The following ADAMTSL1 variants were observed in gnomAD, a reference collection of about 807,000 sequenced individuals.
ADAMTSL1 encodes the protein ADAMTS-like protein 1.
A neutral mutation model predicts 201.8 loss-of-function variants in ADAMTSL1; 126 were observed. The observed-to-expected ratio is 0.62, with a 90% CI of 0.54 to 0.72. The LOEUF (loss-of-function observed/expected upper bound fraction) is 0.72. Ranked by LOEUF, ADAMTSL1 falls within the 30% of genes least tolerant of loss-of-function variation. ADAMTSL1 has a pLI of 0.00. For missense variants in ADAMTSL1, 2,679 were observed against 2,277.8 expected, an observed-to-expected ratio of 1.18 and a Z score of -3.59; for synonymous variants, 1,121 against 903.4, an observed-to-expected ratio of 1.24 and a Z score of -4.32.
At chr9:18,836,305 GT>G (rs1825306309) in intron 23 of ADAMTSL1, among the ~76,000 whole-genome samples, 1 of 152,064 alleles carries the variant, frequency 6.6e-6, no homozygotes, top group African/African-American at 2.4e-5. Context: ...CTCAGTTTAA[GT>G]TCCTTATGTA....
Position 18,483,722 on chromosome 9 carries a change from G to T in ADAMTSL1, c.63+9427G>T, listed in dbSNP as rs557786780. ...GGTGCCTGTAGTCCCAGCTACTCGGGATGCTGAGGCAGGAGAATGGCGTGA... is the reference window on the plus strand; with the variant it reads ...GGTGCCTGTAGTCCCAGCTACTCGGTATGCTGAGGCAGGAGAATGGCGTGA... On this transcript the variant is annotated intron_variant, in intron 1 of 28. Transcript: ENST00000380548. Among the ~76,000 whole-genome samples the T allele has an allele frequency of 3.6e-3, 545 of 152,266 alleles. 3 individuals are homozygous for T. Among genetic ancestry groups the T allele is most frequent in the South Asian group, 0.015 (72 of 4,826 alleles).
intron 2 of ADAMTSL1, among the ~76,000 whole-genome samples, chr9:18,433,754 G>T (rs528841244): frequency 2.9e-4 from 44 of 152,270 alleles, no homozygotes; most frequent in Non-Finnish European, 5.1e-4. Context: ...ACACACTTAA[G>T]AGTAGACTAG....
chr9:18,211,222 T>A (rs1563810514), intron 2 of ADAMTSL1, among the ~76,000 whole-genome samples: 1 of 152,190 alleles, frequency 6.6e-6, no homozygotes, highest in Admixed American at 6.6e-5. Context: ...TGGTTTTAAC[T>A]TTTTAACTCC....
At chr9:18,561,804 T>G (rs1821520487) in intron 3 of ADAMTSL1, among the ~76,000 whole-genome samples, 1 of 152,206 alleles carries the variant, frequency 6.6e-6, no homozygotes, top group Admixed American at 6.5e-5. Context: ...TTTTGATCTT[T>G]GTTGGTTTAA....
chr9:18,007,363 C>T (rs1244235509), intron 1 of ADAMTSL1, among the ~76,000 whole-genome samples: 5 of 151,998 alleles, frequency 3.3e-5, no homozygotes, highest in African/African-American at 1.2e-4. Context: ...TATTTTTGAA[C>T]AGTTCCATGT....
At chr9:18,270,158 G>A (rs1832300198) in intron 2 of ADAMTSL1, among the ~76,000 whole-genome samples, 1 of 151,982 alleles carries the variant, frequency 6.6e-6, no homozygotes, top group Admixed American at 6.6e-5. Context: ...TAGCAGGTTT[G>A]GTGTCTGGTA....
intron 2 of ADAMTSL1, among the ~76,000 whole-genome samples, chr9:18,236,283 G>C (rs948702049): frequency 1.3e-5 from 2 of 152,048 alleles, no homozygotes; most frequent in Non-Finnish European, 2.9e-5. Context: ...AGTTGGCCAG[G>C]CTGGCTGGTC....
intron 2 of ADAMTSL1, among the ~76,000 whole-genome samples, chr9:18,394,081 C>A (rs1563931609): frequency 6.6e-6 from 1 of 152,138 alleles, no homozygotes; most frequent in Admixed American, 6.5e-5. Flanking sequence ...AAAAATGTAT[C>A]TTGGCATAAG....
At chr9:18,871,786 T>G (rs761833853) in intron 23 of ADAMTSL1, among the ~76,000 whole-genome samples, 22 of 152,274 alleles carry the variant, frequency 1.4e-4, no homozygotes, top group Non-Finnish European at 2.5e-4. Flanking sequence ...TTTGCAAATA[T>G]GTCTCTCTTT....
intron 2 of ADAMTSL1, among the ~76,000 whole-genome samples, chr9:18,315,927 C>T (rs1008754363): frequency 1.3e-5 from 2 of 152,208 alleles, no homozygotes; most frequent in African/African-American, 4.8e-5. Flanking sequence ...GGGAACCTGC[C>T]CCGATATTCA....
chr9:17,984,475 G>T (rs746441561), intron 1 of ADAMTSL1, among the ~76,000 whole-genome samples: 3 of 151,908 alleles, frequency 2.0e-5, no homozygotes, highest in Non-Finnish European at 4.4e-5. Context: ...TAACTGTAAG[G>T]ATTGTATTGT....
At chr9:18,537,988 G>GGAA (rs111657328) in intron 3 of ADAMTSL1, among the ~76,000 whole-genome samples, 3,748 of 151,098 alleles carry the variant, frequency 0.025, 131 homozygotes, top group African/African-American at 0.07. Flanking sequence ...AGGAGGAAGA[G>GGAA]GAAGAAGAAG....
intron 7 of ADAMTSL1, chr9:18,651,255 C>G (rs1404016059): frequency 6.6e-6 from 1 of 152,216 alleles, no homozygotes; most frequent in East Asian, 1.9e-4. Flanking sequence ...CCTCCCTTAC[C>G]ATGCCATGTG....
rs1166225876 is a variant in ADAMTSL1, at chr9:18,690,429, C to T, written c.1574+5629C>T. Among the ~76,000 whole-genome samples the T allele has an allele frequency of 5.3e-5, 8 of 152,076 alleles. No homozygotes were observed. In the East Asian group the frequency reaches 1.5e-3, roughly 29 times the overall value. On this transcript the variant is annotated intron_variant, in intron 13 of 28. Transcript: ENST00000380548. Reference sequence around the variant, plus strand: ...GTGAACCAAACATCATTTATGGGTCCATATAGTGTTACTATTTATATTCTA... The same window carrying T: ...GTGAACCAAACATCATTTATGGGTCTATATAGTGTTACTATTTATATTCTA...
rs541392539 is a variant in ADAMTSL1 at position 18,338,223 on chromosome 9, A to G, written c.208-166606A>G. 2.0e-5 allele frequency among the ~76,000 whole-genome samples: 3 copies of G among 151,902 alleles called. No individual in the cohort carries two copies. The East Asian group carries it at 5.8e-4, about 30-fold the overall frequency. On this transcript the variant is annotated intron_variant, in intron 2 of 29. Transcript: ENST00000680146. ...CAAGCCACTGACCCTTAACTTTTCC[A>G]CCGCACTCTCAGCATGGAGAAAAGA...
chr9:18,035,005 T>C (rs558146626), intron 1 of ADAMTSL1, among the ~76,000 whole-genome samples: 1 of 152,348 alleles, frequency 6.6e-6, no homozygotes, highest in South Asian at 2.1e-4. Context: ...CTGTTATGAT[T>C]GTCTCAGGTT....
intron 1 of ADAMTSL1, among the ~76,000 whole-genome samples, chr9:18,130,576 A>G (rs2156684): frequency 0.39 from 58,509 of 151,922 alleles, 12,538 homozygotes; most frequent in South Asian, 0.48. Context: ...TAAGTTCATA[A>G]TTTATCTTTA....
chr9:18,015,187 G>A (rs1475465849), intron 1 of ADAMTSL1, among the ~76,000 whole-genome samples: 1 of 152,008 alleles, frequency 6.6e-6, no homozygotes, highest in Non-Finnish European at 1.5e-5. Flanking sequence ...GTACACATGG[G>A]AATGAGTTGG....
chr9:18,126,384 C>T (rs1825729714), intron 1 of ADAMTSL1, among the ~76,000 whole-genome samples: 1 of 152,082 alleles, frequency 6.6e-6, no homozygotes, highest in African/African-American at 2.4e-5. Flanking sequence ...CCAGTATTAC[C>T]CTCCTCCCGG....
Sources: allele counts gnomAD v4.1 joint callset (sites outside exome capture counted in the v4.1 genomes callset), GRCh38; gene constraint gnomAD v4.1.1; transcripts MANE v1.5; gene names NCBI Gene and HGNC (gene_info 2026-07-23, HGNC 2026-07-21).